The following DLG5 variants were observed in gnomAD, a reference collection of about 807,000 sequenced individuals.
DLG5 encodes the protein discs large MAGUK scaffold protein 5.
A neutral mutation model predicts 189.8 loss-of-function variants in DLG5; 48 were observed. That is an observed-to-expected ratio of 0.25 (90% CI 0.20 to 0.32). DLG5 has a LOEUF of 0.32. Among genes scored for constraint, DLG5 ranks in the 10% least tolerant of loss-of-function variants. The probability of loss-of-function intolerance (pLI) is 1.00; values close to 1 mark genes in which losing one functional copy is unlikely to be tolerated. For synonymous variants in DLG5, 1,016 were observed against 1,054.1 expected (o/e 0.96, Z 0.70); for missense variants, 2,160 against 2,544.7 (o/e 0.85, Z 3.25).
In DLG5 at chr10:77,845,721, T is replaced by G. The variant is rs933816707; in HGVS notation, c.865-2015A>C. Among the ~76,000 whole-genome samples the G allele has an allele frequency of 1.2e-4, 18 of 152,060 alleles. 1 individual carries two copies. The highest frequency in any genetic ancestry group is 4.2e-4 in the South Asian group (2 of 4,814). The stretch of plus-strand genomic sequence containing the variant: ...TCATTTCAGGCTCATTCTTTTTCCT[T>G]TATTTATTTTTAAAGCAGAACATTT... On this transcript the variant is annotated intron_variant, in intron 5 of 31. Transcript: ENST00000372391.
Position 77,926,419 on chromosome 10 carries a change from T to C in DLG5, c.102A>G (p.Gly34=), listed in dbSNP as rs548196221. 7.6e-6 allele frequency: 12 copies of C among 1,578,124 alleles called. No homozygotes were observed. The South Asian group carries it at 1.4e-4, about 19-fold the overall frequency. The change falls in exon 1 of 32, where the codon GGA becomes GGG. Residue 34 remains glycine (G), a synonymous_variant. Transcript: ENST00000372391. The surrounding 1 kb of genome is among the most constrained non-coding windows in gnomAD (Gnocchi z 5.2). ...EAVLGLLEAA[G]ALSPGERRQL... is the part of the protein sequence containing the mutation. ...GCCGCCGCTCGCCGGGACTGAGCGC[T>C]CCCGCGGCCTCGAGCAGCCCGAGCA...
At chr10:77,907,145 C>T (rs184005341) in intron 1 of DLG5, among the ~76,000 whole-genome samples, 14 of 152,274 alleles carry the variant, frequency 9.2e-5, no homozygotes, top group African/African-American at 3.4e-4. Context: ...GATTGCAAAC[C>T]AGCACTGGTC....
Position 77,811,176 on chromosome 10 carries a change from G to A in DLG5, c.4381C>T (p.Pro1461Ser), listed in dbSNP as rs202110020. Residue 1461 changes from proline (P) to serine (S), a missense_variant, in exon 23 of 32, where the codon CCG (proline) becomes TCG (serine). Around this residue, in one of 5 missense-constraint regions of DLG5, gnomAD observed 574 missense variants for 644.2 expected, o/e 0.89. Coordinates refer to ENST00000372391, the MANE Select transcript of DLG5 (RefSeq NM_004747.4). ...GGGTCGATGACAGATGGATGCTCCG[G>A]GGTGGTGGTGCCACTGCCCTGGAGA... ...STLQGSGTTT[P>S]EHPSVIDPLM... 3.1e-6 allele frequency: 5 copies of A among 1,613,390 alleles called. No homozygotes were observed. The African/African-American group carries it at 6.7e-5, about 22-fold the overall frequency.
chr10:77,851,599 C>T (rs2154576618), intron 5 of DLG5, among the ~76,000 whole-genome samples: 1 of 152,342 alleles, frequency 6.6e-6, no homozygotes, highest in African/African-American at 2.4e-5. Flanking sequence ...CCTGACCTCA[C>T]ACGACCAATT....
At chr10:77,902,895 A>C in intron 1 of DLG5, among the ~76,000 whole-genome samples, 1 of 147,726 alleles carries the variant, frequency 6.8e-6, no homozygotes, top group Non-Finnish European at 1.5e-5. Context: ...ATAAATAAAT[A>C]AATAAATAAA....
intron 5 of DLG5, among the ~76,000 whole-genome samples, chr10:77,847,483 A>G (rs531077113): frequency 1.3e-5 from 2 of 152,276 alleles, no homozygotes; most frequent in African/African-American, 4.8e-5. Flanking sequence ...CTCTACAAAC[A>G]GGACTCAGTG....
chr10:77,934,842 C>CTTTTTTTT, the DLG5 span, among the ~76,000 whole-genome samples: 1 of 145,030 alleles, frequency 6.9e-6, no homozygotes, highest in Non-Finnish European at 1.5e-5. Flanking sequence ...GGGTGCTGTT[C>CTTTTTTTT]TTTTTTTTTG....
At position 77,828,883 on chromosome 10, in the gene DLG5, G is replaced by A; in HGVS notation, c.2288C>T (p.Ala763Val). 7 of 1,614,006 alleles carry A rather than the reference G, an allele frequency of 4.3e-6. No individual in the cohort carries two copies. The highest frequency in any genetic ancestry group is 2.7e-5 in the African/African-American group (2 of 75,006). The change falls in exon 13 of 32, where the codon GCG becomes GTG. Residue 763 changes from alanine to valine, a missense_variant and splice_region_variant. By Grantham distance (64) the Ala-to-Val change is moderately conservative. Coordinates refer to ENST00000372391, the MANE Select transcript of DLG5 (RefSeq NM_004747.4). ...CCTGGCTCCAGCCTTGAGACTTACC[G>A]CAACGATCCTGTCTCCCACAGCAAG... The part of the protein sequence containing the change: ...GSLAVGDRIV[A>V]INGIALDNKS...
At chr10:77,868,874 C>T (rs766250643) in intron 2 of DLG5, 76 of 507,754 alleles carry the variant, frequency 1.5e-4, no homozygotes, top group Non-Finnish European at 2.5e-4. Context: ...AACAGGCTCC[C>T]CTAGAAGCCC....
intron 3 of DLG5, among the ~76,000 whole-genome samples, chr10:77,856,432 G>T (rs1844229151): frequency 6.8e-6 from 1 of 148,026 alleles, no homozygotes; most frequent in South Asian, 2.2e-4. Flanking sequence ...AACTTAGGCA[G>T]GTCTAGGAGA....
At chr10:77,812,154 G>A (rs1472067018) in intron 21 of DLG5, 61 bp downstream of exon 21, 2 of 1,596,996 alleles carry the variant, frequency 1.3e-6, no homozygotes, top group Non-Finnish European at 1.7e-6. Context: ...CCTAGGAGGA[G>A]GAGAGGGGGA....
In DLG5 at chr10:77,812,090, G is replaced by A. The variant is rs201379392; in HGVS notation, c.4189-33C>T. The A allele has an allele frequency of 5.7e-4, 920 of 1,605,166 alleles. 17 individuals carry two copies. In the South Asian group the frequency reaches 7.7e-3, roughly 14 times the overall value. On this transcript the variant is annotated intron_variant, in intron 21 of 31. Coordinates refer to ENST00000372391, the MANE Select transcript of DLG5 (RefSeq NM_004747.4). The stretch of plus-strand genomic sequence containing the variant: ...AACACCAGGATGGGCTCAGTGGGGG[G>A]GTCGGGGCTGTGGACAGGGAGGAGG...
intron 29 of DLG5, among the ~76,000 whole-genome samples, chr10:77,795,195 C>A (rs1377757761): frequency 6.6e-6 from 1 of 152,212 alleles, no homozygotes; most frequent in East Asian, 1.9e-4. Flanking sequence ...CTGGCCAGCC[C>A]AACTCCAAAC....
At chr10:77,915,830 T>C (rs371993232) in intron 1 of DLG5, among the ~76,000 whole-genome samples, 54 of 152,240 alleles carry the variant, frequency 3.5e-4, no homozygotes, top group Admixed American at 1.6e-3. Context: ...ATAACGAACA[T>C]GCTTCAAGGC....
At chr10:77,915,007 T>A (rs1216330157) in intron 1 of DLG5, among the ~76,000 whole-genome samples, 4 of 152,056 alleles carry the variant, frequency 2.6e-5, no homozygotes, top group African/African-American at 9.7e-5. Flanking sequence ...CAGAATCACA[T>A]GTGACTATTT....
At chr10:77,907,222 C>T (rs1448398378) in intron 1 of DLG5, among the ~76,000 whole-genome samples, 1 of 152,166 alleles carries the variant, frequency 6.6e-6, no homozygotes, top group Non-Finnish European at 1.5e-5. Flanking sequence ...CCCTGGATGT[C>T]ATGGCTGGGC....
chr10:77,806,851 G>C lies in DLG5; in HGVS notation c.4874C>G (p.Thr1625Ser). 1.2e-6 allele frequency: 2 copies of C among 1,614,130 alleles called. No homozygotes were observed. The highest frequency in any genetic ancestry group is 1.7e-6 in the Non-Finnish European group (2 of 1,180,004). The part of the protein sequence containing the change: ...KKDDILYVDD[T>S]LPQGTFGSWM... ...GGACCCGAACGTGCCCTGGGGTAAG[G>C]TGTCATCCACGTAGAGGATGTCGTC... The change falls in exon 26 of 32, where the codon ACC (threonine) becomes AGC (serine). Residue 1625 changes from threonine to serine, a missense_variant. Transcript: ENST00000372391.
chr10:77,812,913 C>A (rs1184731921), intron 20 of DLG5, among the ~76,000 whole-genome samples: 1 of 152,262 alleles, frequency 6.6e-6, no homozygotes, highest in African/African-American at 2.4e-5. Context: ...CAGCCATGCA[C>A]TTGCTGCCCT....
Position 77,926,455 on chromosome 10 carries a change from C to G in DLG5, c.66G>C (p.Glu22Asp), listed in dbSNP as rs751051917. 6 of 1,547,474 alleles carry G rather than the reference C, an allele frequency of 3.9e-6. No homozygotes were observed. Among genetic ancestry groups the G allele is most frequent in the East Asian group, 2.5e-5 (1 of 40,570 alleles). Residue 22 changes from glutamate (E) to aspartate (D), a missense_variant, in exon 1 of 32, where the codon GAG becomes GAC. Physicochemically the swap from Glu to Asp is conservative, Grantham distance 45. Around this residue, in one of 5 missense-constraint regions of DLG5, gnomAD observed 664 missense variants for 838.5 expected, o/e 0.79. Coordinates refer to ENST00000372391, the MANE Select transcript of DLG5 (RefSeq NM_004747.4). This position sits in a 1 kb window ranked among gnomAD's most constrained non-coding sequence, Gnocchi z 5.2. ...CGAGCAGCCCGAGCACGGCTTCCAC[C>G]TCCGTCATGGCCTGGGCCAGGCTCT... ...CQQSLAQAMT[E>D]VEAVLGLLEA... is the part of the protein sequence containing the mutation.
Sources: gnomAD v4.1 joint callset for allele counts (sites outside exome capture counted in the v4.1 genomes callset) on GRCh38, gnomAD v4.1.1 for gene constraint, gnomAD v4.1.1 regional missense constraint, Gnocchi (gnomAD v3.1) non-coding constraint, MANE v1.5 for transcripts, NCBI Gene and HGNC (gene_info 2026-07-23, HGNC 2026-07-21) for gene names.